Variants in QSOX1 observed in about 807,000 individuals in gnomAD.
The protein encoded by QSOX1 is quiescin sulfhydryl oxidase 1.
A neutral mutation model predicts 76.1 loss-of-function variants in QSOX1; 40 were observed. That is an observed-to-expected ratio of 0.53 (90% CI 0.41 to 0.68). The LOEUF (loss-of-function observed/expected upper bound fraction) is 0.68, where lower values mean the gene tolerates loss of function less well. Ranked by LOEUF, QSOX1 falls within the 30% of genes least tolerant of loss-of-function variation. The probability of loss-of-function intolerance (pLI) is 0.00; values close to 1 mark genes in which losing one functional copy is unlikely to be tolerated. For synonymous variants in QSOX1, 392 were observed against 413.1 expected, an observed-to-expected ratio of 0.95 and a Z score of 0.62; for missense variants, 931 against 974.3, an observed-to-expected ratio of 0.96 and a Z score of 0.59.
At chr1:180,166,698 T>G in intron 2 of QSOX1, 107 bp downstream of exon 2, 1 of 1,097,262 alleles carries the variant, frequency 9.1e-7, no homozygotes. Context: ...TCAGCTGCTC[T>G]GATTTGAGCT....
intron 1 of QSOX1, among the ~76,000 whole-genome samples, chr1:180,163,497 A>G (rs1427510105): frequency 1.3e-5 from 2 of 152,210 alleles, no homozygotes; most frequent in Non-Finnish European, 2.9e-5. Context: ...TCACCATTTC[A>G]TAATTTCTAG....
intron 2 of QSOX1, among the ~76,000 whole-genome samples, chr1:180,173,948 C>T (rs1662818758): frequency 1.3e-5 from 2 of 152,234 alleles, no homozygotes; most frequent in South Asian, 2.1e-4. Context: ...CAAGGTCACA[C>T]AGCAAGAGCA....
chr1:180,159,541 C>T (rs1662448097), intron 1 of QSOX1, among the ~76,000 whole-genome samples: 1 of 152,170 alleles, frequency 6.6e-6, no homozygotes. Context: ...AATGAGTATT[C>T]TGATGAGCTG....
chr1:180,166,722 C>A, intron 2 of QSOX1, 131 bp downstream of exon 2: 1 of 893,080 alleles, frequency 1.1e-6, no homozygotes. Context: ...AGGTGATCAT[C>A]ACTTGGGCTG....
rs931821553 is a variant in QSOX1 at position 180,182,278 on chromosome 1, C to T, written c.711C>T (p.Cys237=). ...RKFGVTDFPS[C]YLLFRNGSVS... ...TTGGTGTCACCGACTTCCCCTCTTG[C>T]TACCTGCTGTTCCGGAATGGCTCTG... The change falls in exon 6 of 12, where the codon TGC becomes TGT. Residue 237 remains cysteine (C), a synonymous_variant. Coordinates refer to ENST00000367602, the MANE Select transcript of QSOX1 (RefSeq NM_002826.5). 3 of 1,614,256 alleles carry T rather than the reference C, an allele frequency of 1.9e-6. No homozygotes were observed. Among genetic ancestry groups the T allele is most frequent in the Non-Finnish European group, 2.5e-6 (3 of 1,180,048 alleles).
chr1:180,178,472 C>T (rs917857299), intron 4 of QSOX1, among the ~76,000 whole-genome samples: 6 of 152,252 alleles, frequency 3.9e-5, no homozygotes, highest in Admixed American at 1.3e-4. Context: ...AGGTGATCCA[C>T]CCGCCTCAGC....
intron 1 of QSOX1, among the ~76,000 whole-genome samples, chr1:180,157,480 C>G (rs1662399834): frequency 6.6e-6 from 1 of 152,130 alleles, no homozygotes; most frequent in African/African-American, 2.4e-5. Context: ...TGAGTACTGC[C>G]CATGCTCTCT....
Position 180,186,090 on chromosome 1 carries a change from C to T in QSOX1, c.925C>T (p.His309Tyr), listed in dbSNP as rs1663162878. Residue 309 changes from histidine to tyrosine, a missense_variant, in exon 8 of 12, where the codon CAC (histidine) becomes TAC (tyrosine). Physicochemically the swap from His to Tyr is moderately conservative, Grantham distance 83. Coordinates refer to ENST00000367602, the MANE Select transcript of QSOX1 (RefSeq NM_002826.5). ...CATGGCTGACCTGGAATCTGCACTG[C>T]ACTACATCCTGCGGATAGAAGTGGG... ...IYMADLESALHYILRIEVGRF... is the reference protein window; with the variant it reads ...IYMADLESALYYILRIEVGRF... The T allele has an allele frequency of 6.2e-7, 1 of 1,614,162 alleles. No homozygotes were observed. Among genetic ancestry groups the T allele is most frequent in the Non-Finnish European group, 8.5e-7 (1 of 1,179,972 alleles).
At chr1:180,191,249 G>C (rs1663303574) in intron 10 of QSOX1, among the ~76,000 whole-genome samples, 1 of 152,376 alleles carries the variant, frequency 6.6e-6, no homozygotes, top group South Asian at 2.1e-4. Flanking sequence ...CCCGCTCTTG[G>C]TGGACCTCTA....
chr1:180,186,316 C>T (rs1411755538), intron 8 of QSOX1, 134 bp downstream of exon 8: 10 of 1,230,700 alleles, frequency 8.1e-6, no homozygotes, highest in East Asian at 2.5e-5. Flanking sequence ...ACCCACAGCT[C>T]TCCCTGTCCA....
rs866903785 is a variant in QSOX1 at position 180,202,308 on chromosome 1, C to T, written c.*5271C>T. ...ATACTGAGAGAGCAAAAGCTCTTTT[C>T]CTGGGGCTGCATGTTCTTCCATAGG... On this transcript the variant is annotated 3_prime_UTR_variant, in exon 12 of 12. Coordinates refer to ENST00000367602, the MANE Select transcript of QSOX1 (RefSeq NM_002826.5). 1 of 152,264 alleles carries T rather than the reference C, an allele frequency of 6.6e-6. No individual in the cohort carries two copies. Among genetic ancestry groups the T allele is most frequent in the Non-Finnish European group, 1.5e-5 (1 of 68,102 alleles). 9.4% of individuals were successfully genotyped at this position (152,264 alleles called of 1,614,324 possible). A position where few individuals can be genotyped will look rare whatever the true frequency, so the allele number is the denominator to read the frequency against.
chr1:180,196,371 C>A lies in QSOX1; in HGVS notation c.1578C>A (p.Ala526=). 1 of 1,614,166 alleles carries A rather than the reference C, an allele frequency of 6.2e-7. No individual in the cohort carries two copies. Among genetic ancestry groups the A allele is most frequent in the Non-Finnish European group, 8.5e-7 (1 of 1,180,026 alleles). Residue 526 remains alanine (A), a synonymous_variant, in exon 12 of 12, where the codon GCC becomes GCA. Coordinates refer to ENST00000367602, the MANE Select transcript of QSOX1 (RefSeq NM_002826.5). This position sits in a 1 kb window ranked among gnomAD's most constrained non-coding sequence, Gnocchi z 4.1. ...ATGTGCCCGTGTGGGACGTGGAAGCCACCCTCAACTTCCTCAAGGCCCACT... is the reference window on the plus strand; with the variant it reads ...ATGTGCCCGTGTGGGACGTGGAAGCAACCCTCAACTTCCTCAAGGCCCACT... ...RLDVPVWDVE[A]TLNFLKAHFS...
intron 2 of QSOX1, among the ~76,000 whole-genome samples, chr1:180,174,024 G>A (rs1219921331): frequency 2.0e-5 from 3 of 152,348 alleles, no homozygotes; most frequent in Admixed American, 6.5e-5. Flanking sequence ...GCCAGCTTGG[G>A]ATAAGGCCAA....
chr1:180,170,077 C>G (rs1346888819), intron 2 of QSOX1, among the ~76,000 whole-genome samples: 1 of 152,104 alleles, frequency 6.6e-6, no homozygotes, highest in East Asian at 1.9e-4. Context: ...GGCAGAGGCT[C>G]ATGTTGAGGG....
chr1:180,183,000 G>A (rs1015788491), intron 6 of QSOX1, among the ~76,000 whole-genome samples: 1 of 152,178 alleles, frequency 6.6e-6, no homozygotes, highest in Non-Finnish European at 1.5e-5. Context: ...CCTCACCCTG[G>A]CCCAGATCAC....
rs12057162 is a variant in QSOX1, at chr1:180,200,814, C to T, written c.*3777C>T. 0.058 allele frequency: 8,847 copies of T among 152,318 alleles called. 377 individuals are homozygous for T. Among genetic ancestry groups the T allele is most frequent in the East Asian group, 0.21 (1,112 of 5,176 alleles). 9.4% of individuals were successfully genotyped at this position (152,318 alleles called of 1,614,324 possible). ...TCTACCCCTTCTAACACATGTGATT[C>T]TGTTTCATGTCCTGTTCCATCGGTA... On this transcript the variant is annotated 3_prime_UTR_variant, in exon 12 of 12. Transcript: ENST00000367602.
At chr1:180,186,765 A>G (rs989722219) in intron 8 of QSOX1, among the ~76,000 whole-genome samples, 1 of 152,118 alleles carries the variant, frequency 6.6e-6, no homozygotes, top group African/African-American at 2.4e-5. Context: ...TGGGTGGTTT[A>G]TTTTGTCCTC....
intron 11 of QSOX1, 85 bp downstream of exon 11, chr1:180,194,477 G>T: frequency 7.4e-7 from 1 of 1,349,960 alleles, no homozygotes. Context: ...CCAAAATTTG[G>T]GGAAGGGACA....
In QSOX1 at chr1:180,166,023, C is replaced by T. The variant is rs537337130; in HGVS notation, c.266-468C>T. 4.6e-5 allele frequency among the ~76,000 whole-genome samples: 7 copies of T among 152,280 alleles called. No individual in the cohort carries two copies. In the East Asian group the frequency reaches 1.4e-3, roughly 29 times the overall value. Reference sequence around the variant, plus strand: ...CTGCCCACTACCAGTATCTCTGGCCCCAGGAAACTTCCCTAAGGGTCCCCT... The same window carrying T: ...CTGCCCACTACCAGTATCTCTGGCCTCAGGAAACTTCCCTAAGGGTCCCCT... On this transcript the variant is annotated intron_variant, in intron 1 of 11. Transcript: ENST00000367602.
Sources: allele counts gnomAD v4.1 joint callset (sites outside exome capture counted in the v4.1 genomes callset), GRCh38; gene constraint gnomAD v4.1.1; non-coding constraint Gnocchi (gnomAD v3.1); transcripts MANE v1.5; gene names NCBI Gene and HGNC (gene_info 2026-07-23, HGNC 2026-07-21).